The following VENTX variants were observed in gnomAD, a reference collection of about 807,000 sequenced individuals.
VENTX encodes the protein VENT homeobox.
Under a neutral mutation model 10.5 loss-of-function variants are expected in VENTX, and 13 were observed. That is an observed-to-expected ratio of 1.23 (90% CI 0.80 to 1.96). The LOEUF (loss-of-function observed/expected upper bound fraction) is 1.96. Ranked by LOEUF, VENTX falls within the 30% of genes most tolerant of loss-of-function variation. The pLI is 0.00. For synonymous variants in VENTX, 177 were observed against 150.4 expected (o/e 1.18, Z -1.29); for missense variants, 400 against 341.8 (o/e 1.17, Z -1.34).
chr10:133,239,134 G>A (rs566485639), intron 1 of VENTX, among the ~76,000 whole-genome samples: 4 of 152,356 alleles, frequency 2.6e-5, no homozygotes, highest in South Asian at 2.1e-4. Context: ...GATTGGCCAC[G>A]TTGGCCTTTC....
chr10:133,238,860 G>A (rs2136050915), intron 1 of VENTX, among the ~76,000 whole-genome samples: 1 of 152,284 alleles, frequency 6.6e-6, no homozygotes, highest in East Asian at 1.9e-4. Context: ...TCCTTATGGA[G>A]TGACTTTGTA....
Position 133,237,859 on chromosome 10 carries a change from T to G in VENTX, c.-56T>G, listed in dbSNP as rs1589787756. 2 of 1,482,338 alleles carry G rather than the reference T, an allele frequency of 1.3e-6. No homozygotes were observed. Among genetic ancestry groups the G allele is most frequent in the South Asian group, 1.4e-5 (1 of 72,884 alleles). 91.8% of individuals were successfully genotyped at this position (1,482,338 alleles called of 1,614,324 possible). A position where few individuals can be genotyped will look rare whatever the true frequency, so the allele number is the denominator to read the frequency against. ...CGCCGCCGCCTGGCGAGGCCCGAGGTGGATCCTGCGCCTGGCCAGCCCCGC... is the reference window on the plus strand; with the variant it reads ...CGCCGCCGCCTGGCGAGGCCCGAGGGGGATCCTGCGCCTGGCCAGCCCCGC... On this transcript the variant is annotated 5_prime_UTR_variant, in exon 1 of 3. Coordinates refer to ENST00000325980, the MANE Select transcript of VENTX (RefSeq NM_014468.4).
intron 1 of VENTX, 22 bp downstream of exon 1, chr10:133,238,177 C>G (rs572977792): frequency 5.8e-6 from 9 of 1,564,926 alleles, no homozygotes; most frequent in African/African-American, 1.4e-5. Context: ...TGGGGGGGGT[C>G]CCTTCCTTCC....
At position 133,237,990 on chromosome 10, in the gene VENTX, A is replaced by T. The variant is rs1294774765; in HGVS notation, c.76A>T (p.Ser26Cys). 42 of 1,600,472 alleles carry T rather than the reference A, an allele frequency of 2.6e-5. No homozygotes were observed. The highest frequency in any genetic ancestry group is 3.5e-5 in the Non-Finnish European group (41 of 1,176,816). Reference protein sequence around the residue: ...SFGSVDWLSQSSCSGPTHTPR... With the variant: ...SFGSVDWLSQCSCSGPTHTPR... ...TGGCTCCGTGGACTGGCTCTCCCAG[A>T]GCAGCTGCTCAGGGCCGACCCACAC... Residue 26 changes from serine (S) to cysteine (C), a missense_variant, in exon 1 of 3, where the codon AGC becomes TGC. By Grantham distance (112) the Ser-to-Cys change is moderately radical (BLOSUM62 -1). Transcript: ENST00000325980.
At position 133,240,446 on chromosome 10, in the gene VENTX, A is replaced by T; in HGVS notation, c.*140A>T. On this transcript the variant is annotated 3_prime_UTR_variant, in exon 3 of 3. Coordinates refer to ENST00000325980, the MANE Select transcript of VENTX (RefSeq NM_014468.4). The stretch of plus-strand genomic sequence containing the variant: ...AAGGTTCTGGAGATTACTGGAGAAT[A>T]TATATAAATATATATATGTACGTAT... 1.4e-6 allele frequency: 1 copy of T among 711,300 alleles called. No individual in the cohort carries two copies. Among genetic ancestry groups the T allele is most frequent in the Non-Finnish European group, 2.0e-6 (1 of 491,770 alleles). 44.1% of individuals were successfully genotyped at this position (711,300 alleles called of 1,614,324 possible). A position where few individuals can be genotyped will look rare whatever the true frequency, so the allele number is the denominator to read the frequency against.
In VENTX at chr10:133,237,967, G is replaced by T. The variant is rs1248370601; in HGVS notation, c.53G>T (p.Gly18Val). The change falls in exon 1 of 3, where the codon GGC (glycine) becomes GTC (valine). Residue 18 changes from glycine (G) to valine (V), a missense_variant. Physicochemically the swap from Gly to Val is moderately radical, Grantham distance 109 (BLOSUM62 -3). Transcript: ENST00000325980. Reference sequence around the variant, plus strand: ...GGCCCGCAGCAGCTCTCCAGCTTTGGCTCCGTGGACTGGCTCTCCCAGAGC... The same window carrying T: ...GGCCCGCAGCAGCTCTCCAGCTTTGTCTCCGTGGACTGGCTCTCCCAGAGC... ...PRGPQQLSSF[G>V]SVDWLSQSSC... is the part of the protein sequence containing the mutation. 2 of 1,600,562 alleles carry T rather than the reference G, an allele frequency of 1.2e-6. No individual in the cohort carries two copies. Among genetic ancestry groups the T allele is most frequent in the Non-Finnish European group, 1.7e-6 (2 of 1,177,724 alleles).
At position 133,241,624 on chromosome 10, in the gene VENTX, C is replaced by T. The variant is rs1455206776; in HGVS notation, c.*1318C>T. 2 of 152,246 alleles carry T rather than the reference C, an allele frequency of 1.3e-5. No individual in the cohort carries two copies. The highest frequency in any genetic ancestry group is 2.9e-5 in the Non-Finnish European group (2 of 68,044). 9.4% of individuals were successfully genotyped at this position (152,246 alleles called of 1,614,324 possible). Reference sequence around the variant, plus strand: ...AGAACTGGAGGCGACCTGTGAAACCCACCCGGGCACCCCAACAGGAACAGA... The same window carrying T: ...AGAACTGGAGGCGACCTGTGAAACCTACCCGGGCACCCCAACAGGAACAGA... On this transcript the variant is annotated 3_prime_UTR_variant, in exon 3 of 3. Coordinates refer to ENST00000325980, the MANE Select transcript of VENTX (RefSeq NM_014468.4).
In VENTX at chr10:133,239,927, T is replaced by A; in HGVS notation, c.403-5T>A. ...ACCCCTGTTCTGATCTTGCTTTTCCTACAGATAAAAACCTGGTTTCAGAAT... is the reference window on the plus strand; with the variant it reads ...ACCCCTGTTCTGATCTTGCTTTTCCAACAGATAAAAACCTGGTTTCAGAAT... On this transcript the variant is annotated splice_region_variant and splice_polypyrimidine_tract_variant and intron_variant, in intron 2 of 2. Coordinates refer to ENST00000325980, the MANE Select transcript of VENTX (RefSeq NM_014468.4). 6.2e-7 allele frequency: 1 copy of A among 1,611,186 alleles called. No homozygotes were observed. Among genetic ancestry groups the A allele is most frequent in the Middle Eastern group, 1.7e-4 (1 of 5,938 alleles).
chr10:133,239,715 T>C lies in VENTX; in HGVS notation c.281T>C (p.Val94Ala). 6.2e-7 allele frequency: 1 copy of C among 1,611,112 alleles called. No homozygotes were observed. The highest frequency in any genetic ancestry group is 1.1e-5 in the South Asian group (1 of 91,006). Residue 94 changes from valine (V) to alanine (A), a missense_variant, in exon 2 of 3, where the codon GTC becomes GCC. Val to Ala is a moderately conservative substitution (Grantham distance 64). Transcript: ENST00000325980. ...CCAAATACCTTGCGGGCCCCCCGTG[T>C]CCGCACAGCCTTCACCATGGAGCAG... is the stretch of plus-strand genomic sequence containing the variant. ...KEPNTLRAPR[V>A]RTAFTMEQVR...
At chr10:133,238,281 A>T in intron 1 of VENTX, 126 bp downstream of exon 1, 1 of 1,273,330 alleles carries the variant, frequency 7.9e-7, no homozygotes, top group Non-Finnish European at 1.0e-6. Context: ...GGGCGTTTCC[A>T]TGAGGGCCGG....
rs769638609 is a variant in VENTX at position 133,237,954 on chromosome 10, C to T, written c.40C>T (p.Leu14Phe). The T allele has an allele frequency of 2.5e-6, 4 of 1,598,840 alleles. No individual in the cohort carries two copies. The highest frequency in any genetic ancestry group is 2.7e-5 in the African/African-American group (2 of 74,722). The change falls in exon 1 of 3, where the codon CTC becomes TTC. Residue 14 changes from leucine (L) to phenylalanine (F), a missense_variant. Transcript: ENST00000325980. The part of the protein sequence containing the change: ...SSSPPRGPQQ[L>F]SSFGSVDWLS... ...CTCCCCACCTCGTGGCCCGCAGCAG[C>T]TCTCCAGCTTTGGCTCCGTGGACTG...
chr10:133,240,417 C>T lies in VENTX; in HGVS notation c.*111C>T. On this transcript the variant is annotated 3_prime_UTR_variant, in exon 3 of 3. Coordinates refer to ENST00000325980, the MANE Select transcript of VENTX (RefSeq NM_014468.4). The stretch of plus-strand genomic sequence containing the variant: ...TGGTGGCACCTCTCACCCTGACCCA[C>T]ACAAAGGTTCTGGAGATTACTGGAG... 7.7e-7 allele frequency: 1 copy of T among 1,306,150 alleles called. No individual in the cohort carries two copies. The allele number at this position is 1,306,150 out of a possible 1,614,324, so 80.9% of individuals were successfully genotyped here. A position where few individuals can be genotyped will look rare whatever the true frequency, so the allele number is the denominator to read the frequency against.
At chr10:133,238,689 T>C (rs1475394023) in intron 1 of VENTX, among the ~76,000 whole-genome samples, 1 of 152,234 alleles carries the variant, frequency 6.6e-6, no homozygotes, top group East Asian at 1.9e-4. Flanking sequence ...AAGTTCCCTC[T>C]GTGGCCGCCC....
chr10:133,239,408 G>A (rs776501315), intron 1 of VENTX, among the ~76,000 whole-genome samples: 37 of 152,238 alleles, frequency 2.4e-4, no homozygotes, highest in Non-Finnish European at 4.7e-4. Flanking sequence ...GCTTCTGGAA[G>A]GGAAGTGTGG....
In VENTX at chr10:133,239,981, A is replaced by G. The variant is rs556426846; in HGVS notation, c.452A>G (p.Gln151Arg). 9.3e-6 allele frequency: 15 copies of G among 1,611,812 alleles called. No individual in the cohort carries two copies. The South Asian group carries it at 1.5e-4, about 17-fold the overall frequency. ...CGCATGAAACACAAACGGCAAATGC[A>G]GGACCCCCAGCTGCACAGCCCCTTC... ...NRRMKHKRQM[Q>R]DPQLHSPFSG... The change falls in exon 3 of 3, where the codon CAG (glutamine) becomes CGG (arginine). Residue 151 changes from glutamine to arginine, a missense_variant. Transcript: ENST00000325980.
intron 1 of VENTX, among the ~76,000 whole-genome samples, chr10:133,238,970 G>A (rs1845891372): frequency 6.6e-6 from 1 of 152,166 alleles, no homozygotes. Flanking sequence ...CCTTTCTGAT[G>A]CCAGTCCTAC....
rs767718202 is a variant in VENTX, at chr10:133,239,930, A to G, written c.403-2A>G. ...CCTGTTCTGATCTTGCTTTTCCTAC[A>G]GATAAAAACCTGGTTTCAGAATCGC... On this transcript the variant is annotated splice_acceptor_variant, in intron 2 of 2. Coordinates refer to ENST00000325980, the MANE Select transcript of VENTX (RefSeq NM_014468.4). LOFTEE classifies it high-confidence loss of function. The G allele has an allele frequency of 1.9e-6, 3 of 1,611,076 alleles. No individual in the cohort carries two copies. The highest frequency in any genetic ancestry group is 8.5e-7 in the Non-Finnish European group (1 of 1,178,892).
At position 133,240,709 on chromosome 10, in the gene VENTX, A is replaced by C. The variant is rs1845925705; in HGVS notation, c.*403A>C. On this transcript the variant is annotated 3_prime_UTR_variant, in exon 3 of 3. Transcript: ENST00000325980. The stretch of plus-strand genomic sequence containing the variant: ...CAGACACCCGCCACCACGCCCGGCT[A>C]ATTTTTTCTATTTTTAGTAGAAATG... 1 of 151,494 alleles carries C rather than the reference A, an allele frequency of 6.6e-6. No homozygotes were observed. The highest frequency in any genetic ancestry group is 2.4e-5 in the African/African-American group (1 of 41,176). 9.4% of individuals were successfully genotyped at this position (151,494 alleles called of 1,614,324 possible).
In VENTX at chr10:133,237,911, C is replaced by T; in HGVS notation, c.-4C>T. 1 of 1,581,688 alleles carries T rather than the reference C, an allele frequency of 6.3e-7. No individual in the cohort carries two copies. The highest frequency in any genetic ancestry group is 8.5e-7 in the Non-Finnish European group (1 of 1,170,724). The stretch of plus-strand genomic sequence containing the variant: ...TGGCCTTCCCTCCGGCCCACCTGGC[C>T]GCCATGCGCCTCTCCTCCTCCCCAC... On this transcript the variant is annotated 5_prime_UTR_variant, in exon 1 of 3. Transcript: ENST00000325980.
Sources: gnomAD v4.1 joint callset for allele counts (sites outside exome capture counted in the v4.1 genomes callset) on GRCh38, gnomAD v4.1.1 for gene constraint, MANE v1.5 for transcripts, NCBI Gene and HGNC (gene_info 2026-07-23, HGNC 2026-07-21) for gene names.